Variants in ITGA8 observed in about 807,000 individuals in gnomAD.
The protein encoded by ITGA8 is integrin alpha-8.
ITGA8 carries 91 observed loss-of-function variants against 142.3 expected under a neutral mutation model. That is an observed-to-expected ratio of 0.64 (90% CI 0.54 to 0.76). The LOEUF is 0.76. ITGA8 is among the 30% of genes least tolerant of loss of function. ITGA8 has a pLI of 0.00. For missense variants in ITGA8, 1,406 were observed against 1,327.7 expected (o/e 1.06, Z -0.92); for synonymous variants, 505 against 485.2 (o/e 1.04, Z -0.54).
intron 26 of ITGA8, among the ~76,000 whole-genome samples, chr10:15,555,901 G>A (rs574321891): frequency 4.0e-5 from 6 of 149,686 alleles, no homozygotes; most frequent in African/African-American, 1.2e-4. Flanking sequence ...GTTTCACCAC[G>A]CTAACCAGAA....
chr10:15,614,275 T>G (rs1023577584), intron 14 of ITGA8, among the ~76,000 whole-genome samples: 3 of 152,190 alleles, frequency 2.0e-5, no homozygotes, highest in African/African-American at 7.2e-5. Context: ...CAAGCTGAGC[T>G]TTGCAAATTT....
chr10:15,601,105 G>C (rs1303099531), intron 20 of ITGA8, among the ~76,000 whole-genome samples: 28 of 152,130 alleles, frequency 1.8e-4, no homozygotes, highest in Admixed American at 1.7e-3. Flanking sequence ...CAGGCGTGGT[G>C]GTGGGCGCCT....
intron 24 of ITGA8, among the ~76,000 whole-genome samples, chr10:15,575,189 G>A (rs1834261226): frequency 6.6e-6 from 1 of 152,050 alleles, no homozygotes; most frequent in African/African-American, 2.4e-5. Context: ...AGGAGCTTGA[G>A]ACTAGCCTGG....
chr10:15,541,076 TAAAG>T (rs1250681302), intron 27 of ITGA8, among the ~76,000 whole-genome samples: 6 of 152,154 alleles, frequency 3.9e-5, no homozygotes, highest in African/African-American at 1.4e-4. Context: ...TAAGTGGATA[TAAAG>T]AGAGTTGCCA....
chr10:15,634,548 A>C (rs78146740), intron 13 of ITGA8, among the ~76,000 whole-genome samples: 2 of 152,274 alleles, frequency 1.3e-5, no homozygotes, highest in Non-Finnish European at 2.9e-5. Context: ...TGAGAGCAGG[A>C]TCTTTGTTTA....
intron 27 of ITGA8, among the ~76,000 whole-genome samples, chr10:15,545,575 G>A (rs1833653558): frequency 1.3e-5 from 2 of 152,012 alleles, no homozygotes; most frequent in Admixed American, 1.3e-4. Context: ...CATTCTCTTC[G>A]TTTCTTGCTA....
At chr10:15,583,248 C>G (rs1834446841) in intron 23 of ITGA8, among the ~76,000 whole-genome samples, 1 of 152,098 alleles carries the variant, frequency 6.6e-6, no homozygotes, top group African/African-American at 2.4e-5. Context: ...TCATTCTCAG[C>G]AAACTAACAC....
chr10:15,694,321 A>C (rs373459664), intron 2 of ITGA8, among the ~76,000 whole-genome samples: 160 of 11,130 alleles, frequency 0.014, no homozygotes, highest in Non-Finnish European at 0.045. Flanking sequence ...TATCATATAT[A>C]TGATAATATA....
chr10:15,629,883 G>A (rs1252492940), intron 13 of ITGA8, among the ~76,000 whole-genome samples: 2 of 152,044 alleles, frequency 1.3e-5, no homozygotes, highest in Non-Finnish European at 2.9e-5. Context: ...AGCCAAGATT[G>A]TGCCACTGCA....
intron 28 of ITGA8, among the ~76,000 whole-genome samples, chr10:15,520,975 C>A (rs975399467): frequency 3.9e-5 from 6 of 152,156 alleles, no homozygotes; most frequent in African/African-American, 1.4e-4. Flanking sequence ...TAGCACTGAG[C>A]CCTAACCATG....
chr10:15,641,211 G>A (rs565589669), intron 13 of ITGA8, among the ~76,000 whole-genome samples: 1 of 152,236 alleles, frequency 6.6e-6, no homozygotes, highest in African/African-American at 2.4e-5. Context: ...ATGCTACCAC[G>A]GCTGGCTGAG....
At chr10:15,600,048 A>G (rs1833077556) in intron 20 of ITGA8, among the ~76,000 whole-genome samples, 1 of 152,252 alleles carries the variant, frequency 6.6e-6, no homozygotes, top group Non-Finnish European at 1.5e-5. Context: ...ATTCTTACCT[A>G]TAAAACAGGG....
At chr10:15,715,357 G>A (rs1835431042) in intron 2 of ITGA8, among the ~76,000 whole-genome samples, 1 of 152,114 alleles carries the variant, frequency 6.6e-6, no homozygotes, top group Non-Finnish European at 1.5e-5. Flanking sequence ...AGGAGAGGGA[G>A]GGAAGGCAAA....
chr10:15,696,861 C>CAAAA (rs750418009), intron 2 of ITGA8, among the ~76,000 whole-genome samples: 5 of 52,536 alleles, frequency 9.5e-5, no homozygotes, highest in African/African-American at 2.5e-4. Flanking sequence ...TAACTCTTAC[C>CAAAA]AAAAAAAAAA....
chr10:15,688,843 G>T (rs1023138676), intron 2 of ITGA8, among the ~76,000 whole-genome samples: 13 of 152,256 alleles, frequency 8.5e-5, no homozygotes, highest in African/African-American at 2.9e-4. Context: ...TAGAGGGAAT[G>T]TACCTACACA....
chr10:15,613,894 C>G, intron 14 of ITGA8, 127 bp from the exon 15 acceptor site: 3 of 644,168 alleles, frequency 4.7e-6, no homozygotes, highest in Non-Finnish European at 8.2e-6. Context: ...CCAACGTTCT[C>G]AGCATTTGTG....
intron 13 of ITGA8, among the ~76,000 whole-genome samples, chr10:15,642,956 T>A (rs1027177515): frequency 6.6e-6 from 1 of 152,194 alleles, no homozygotes; most frequent in Non-Finnish European, 1.5e-5. Flanking sequence ...TTATAAGTAG[T>A]TGAAACTGTC....
At chr10:15,671,548 A>G (rs1834518904) in intron 8 of ITGA8, 55 bp downstream of exon 8, 3 of 1,462,846 alleles carry the variant, frequency 2.1e-6, no homozygotes, top group African/African-American at 2.8e-5. Context: ...TTTATATGCC[A>G]TTTTACCATT....
chr10:15,662,644 G>A (rs1834311710), intron 8 of ITGA8, among the ~76,000 whole-genome samples: 1 of 151,998 alleles, frequency 6.6e-6, no homozygotes, highest in South Asian at 2.1e-4. Flanking sequence ...TGGCCAGAAG[G>A]TTTTTAATAA....
Sources: gnomAD v4.1 joint callset for allele counts (sites outside exome capture counted in the v4.1 genomes callset) on GRCh38, gnomAD v4.1.1 for gene constraint, MANE v1.5 for transcripts, NCBI Gene and HGNC (gene_info 2026-07-23, HGNC 2026-07-21) for gene names.